PRKAG2: variants seen among roughly 807,000 people sequenced by gnomAD.
The protein encoded by PRKAG2 is protein kinase AMP-activated non-catalytic subunit gamma 2, also known as 5'-AMP-activated protein kinase subunit gamma-2.
PRKAG2 carries 26 observed loss-of-function variants against 69.6 expected under a neutral mutation model. That is an observed-to-expected ratio of 0.37 (90% CI 0.27 to 0.52). PRKAG2 has a LOEUF of 0.52. Among genes scored for constraint, PRKAG2 ranks in the 20% least tolerant of loss-of-function variants. The pLI is 0.90. For missense variants in PRKAG2, 557 were observed against 740.0 expected (o/e 0.75, Z 2.87); for synonymous variants, 293 against 285.0 (o/e 1.03, Z -0.28).
intron 6 of PRKAG2, among the ~76,000 whole-genome samples, chr7:151,592,491 C>T (rs1813448528): frequency 6.6e-6 from 1 of 152,230 alleles, no homozygotes; most frequent in Non-Finnish European, 1.5e-5. Context: ...CCCCCTCATT[C>T]TGGTGGCACA....
rs1563604664 is a variant in PRKAG2, at chr7:151,756,678, C to G, written c.466+24474G>C. The stretch of plus-strand genomic sequence containing the variant: ...CTGCAGCTCCTGGTTCCAGCCCCGC[C>G]AGGGCTCCCAGCGCCGCCCTCTTCC... On this transcript the variant is annotated intron_variant, in intron 3 of 15. Transcript: ENST00000287878. This position sits in a 1 kb window ranked among gnomAD's most constrained non-coding sequence, Gnocchi z 4.9. Among the ~76,000 whole-genome samples, 1 of 152,186 alleles carries G rather than the reference C, an allele frequency of 6.6e-6. No individual in the cohort carries two copies. The highest frequency in any genetic ancestry group is 1.5e-5 in the Non-Finnish European group (1 of 68,020).
chr7:151,655,788 G>A (rs1005292664), intron 4 of PRKAG2, among the ~76,000 whole-genome samples: 9 of 152,098 alleles, frequency 5.9e-5, no homozygotes, highest in Admixed American at 1.3e-4. Context: ...CTCATAGAGC[G>A]GTAAGGAATA....
chr7:151,621,496 G>A, intron 5 of PRKAG2, among the ~76,000 whole-genome samples: 1 of 152,236 alleles, frequency 6.6e-6, no homozygotes, highest in African/African-American at 2.4e-5. Context: ...CAACCTGGGT[G>A]ACAGAGTGAG....
intron 1 of PRKAG2, among the ~76,000 whole-genome samples, chr7:151,824,452 C>G (rs1316462032): frequency 1.3e-5 from 2 of 152,284 alleles, no homozygotes; most frequent in South Asian, 2.1e-4. Context: ...TGAATGGTAT[C>G]GACTGATACT....
At chr7:151,687,949 G>C (rs1374323095) in intron 3 of PRKAG2, among the ~76,000 whole-genome samples, 1 of 151,950 alleles carries the variant, frequency 6.6e-6, no homozygotes, top group Non-Finnish European at 1.5e-5. Context: ...AGCTGCCAAG[G>C]GTGTATAGGG....
chr7:151,716,822 C>T (rs867712293), intron 3 of PRKAG2, among the ~76,000 whole-genome samples: 105 of 152,340 alleles, frequency 6.9e-4, no homozygotes, highest in African/African-American at 2.5e-3. Context: ...GCTCCAGCCC[C>T]CAAGCCCGCG....
Position 151,591,336 on chromosome 7 carries a change from C to T in PRKAG2, c.864+4009G>A, listed in dbSNP as rs112212240. ...CCCCCGCTCTCTACCTTATTATGGT[C>T]TGCAGAGAAGCTGGCCATCTTCACA... is the stretch of plus-strand genomic sequence containing the variant. On this transcript the variant is annotated intron_variant, in intron 6 of 15. Transcript: ENST00000287878. Among the ~76,000 whole-genome samples, 1,347 of 152,380 alleles carry T rather than the reference C, an allele frequency of 8.8e-3. 30 individuals are homozygous for T. Among genetic ancestry groups the T allele is most frequent in the African/African-American group, 0.031 (1,287 of 41,588 alleles).
In PRKAG2 at chr7:151,836,678, C is replaced by T. The variant is rs554679760; in HGVS notation, c.114+39829G>A. ...GCAGCCTTAGCGGGGCACAGGAGGGCGTGTATGCGGGTCCTCCAGGGTCCT... is the reference window on the plus strand; with the variant it reads ...GCAGCCTTAGCGGGGCACAGGAGGGTGTGTATGCGGGTCCTCCAGGGTCCT... On this transcript the variant is annotated intron_variant, in intron 1 of 15. Transcript: ENST00000287878. This position sits in a 1 kb window ranked among gnomAD's most constrained non-coding sequence, Gnocchi z 4.1. 2.0e-5 allele frequency among the ~76,000 whole-genome samples: 3 copies of T among 152,272 alleles called. No homozygotes were observed. Among genetic ancestry groups the T allele is most frequent in the African/African-American group, 4.8e-5 (2 of 41,576 alleles).
At chr7:151,577,610 T>C (rs940425403) in intron 6 of PRKAG2, among the ~76,000 whole-genome samples, 14 of 152,212 alleles carry the variant, frequency 9.2e-5, no homozygotes, top group African/African-American at 3.4e-4. Flanking sequence ...AGTATTCATA[T>C]TGCTTGTGCA....
chr7:151,737,469 G>A (rs532573408), intron 3 of PRKAG2, among the ~76,000 whole-genome samples: 4 of 152,298 alleles, frequency 2.6e-5, no homozygotes, highest in Admixed American at 2.0e-4. Flanking sequence ...TAACCCCCGA[G>A]CTAAAGATTA....
intron 3 of PRKAG2, among the ~76,000 whole-genome samples, chr7:151,774,417 A>G (rs759364969): frequency 2.0e-5 from 3 of 152,136 alleles, no homozygotes; most frequent in Non-Finnish European, 2.9e-5. Flanking sequence ...GTCTTAGAAG[A>G]TTGAATTACC....
intron 6 of PRKAG2, among the ~76,000 whole-genome samples, chr7:151,582,871 T>TA (rs1810821533): frequency 6.6e-6 from 1 of 152,240 alleles, no homozygotes; most frequent in African/African-American, 2.4e-5. Context: ...AAAATGGGGC[T>TA]AATGGATATT....
chr7:151,721,425 C>A (rs112223039), intron 3 of PRKAG2, among the ~76,000 whole-genome samples: 1 of 144,156 alleles, frequency 6.9e-6, no homozygotes, highest in Admixed American at 7.0e-5. Flanking sequence ...GCCAGCACAG[C>A]GCTATGGGGC....
At chr7:151,701,799 C>T (rs146103357) in intron 3 of PRKAG2, among the ~76,000 whole-genome samples, 1,849 of 149,904 alleles carry the variant, frequency 0.012, 33 homozygotes, top group African/African-American at 0.045. Flanking sequence ...GCCGAGATTG[C>T]GCCACTGCAC....
At chr7:151,577,908 CA>C (rs1433182112) in intron 6 of PRKAG2, among the ~76,000 whole-genome samples, 1 of 147,846 alleles carries the variant, frequency 6.8e-6, no homozygotes, top group Non-Finnish European at 1.5e-5. Context: ...GAGAAACAAG[CA>C]AAAAAAGATT....
At chr7:151,855,289 TCC>T (rs2079715964) in intron 1 of PRKAG2, among the ~76,000 whole-genome samples, 1 of 22,986 alleles carries the variant, frequency 4.4e-5, no homozygotes, top group Non-Finnish European at 8.6e-5. Context: ...CACACCACCC[TCC>T]ACACACCACC....
chr7:151,574,207 G>C (rs540387556), intron 8 of PRKAG2, among the ~76,000 whole-genome samples: 22 of 152,288 alleles, frequency 1.4e-4, no homozygotes, highest in African/African-American at 4.8e-4. Flanking sequence ...AATAGGACTA[G>C]TTAAATAAGA....
At chr7:151,744,029 G>C (rs1430903603) in intron 3 of PRKAG2, among the ~76,000 whole-genome samples, 6 of 152,220 alleles carry the variant, frequency 3.9e-5, no homozygotes, top group Non-Finnish European at 8.8e-5. Context: ...TGAGGAAGGA[G>C]AGGTCAGGGG....
intron 6 of PRKAG2, among the ~76,000 whole-genome samples, chr7:151,587,480 G>T (rs1426653469): frequency 6.6e-6 from 1 of 152,128 alleles, no homozygotes; most frequent in African/African-American, 2.4e-5. Context: ...GGAGGAAGAA[G>T]AATCATCTCA....
Sources: allele counts gnomAD v4.1 joint callset (sites outside exome capture counted in the v4.1 genomes callset), GRCh38; gene constraint gnomAD v4.1.1; non-coding constraint Gnocchi (gnomAD v3.1); transcripts MANE v1.5; gene names NCBI Gene and HGNC (gene_info 2026-07-23, HGNC 2026-07-21).